ZNF652: variants seen among roughly 807,000 people sequenced by gnomAD.
ZNF652 encodes the protein zinc finger protein 652.
ZNF652 carries 16 observed loss-of-function variants against 45.2 expected under a neutral mutation model. The ratio of observed to expected loss-of-function variants is 0.35; its 90% confidence interval spans 0.24 to 0.54. The LOEUF (loss-of-function observed/expected upper bound fraction) is 0.54. Among genes scored for constraint, ZNF652 ranks in the 20% least tolerant of loss-of-function variants. The pLI, the probability that ZNF652 is intolerant of heterozygous loss-of-function variation, is 0.91. For synonymous variants in ZNF652, 250 were observed against 260.6 expected (o/e 0.96, Z 0.39); for missense variants, 614 against 765.6 (o/e 0.80, Z 2.34).
chr17:49,292,890 T>G lies in ZNF652; in HGVS notation c.*5523A>C, dbSNP rs2069422424. On this transcript the variant is annotated 3_prime_UTR_variant, in exon 6 of 6. Coordinates refer to ENST00000430262, the MANE Select transcript of ZNF652 (RefSeq NM_001145365.3). ...CAAGGTTTTAGCTAGTTTGTAGAGT[T>G]AAGCCCATTGGAATATGGGTGAATT... 6.6e-6 allele frequency among the ~76,000 whole-genome samples: 1 copy of G among 152,204 alleles called. No individual in the cohort carries two copies. Among genetic ancestry groups the G allele is most frequent in the Admixed American group, 6.5e-5 (1 of 15,282 alleles).
chr17:49,320,694 A>T (rs934973585), intron 1 of ZNF652, among the ~76,000 whole-genome samples: 6 of 152,260 alleles, frequency 3.9e-5, no homozygotes, highest in Admixed American at 2.6e-4. Context: ...AAATAAACTC[A>T]TATTATCTCA....
intron 1 of ZNF652, among the ~76,000 whole-genome samples, chr17:49,358,028 T>C (rs910126849): frequency 6.6e-6 from 1 of 152,220 alleles, no homozygotes; most frequent in African/African-American, 2.4e-5. Flanking sequence ...TACTCCAACA[T>C]GCTCCATATC....
intron 1 of ZNF652, among the ~76,000 whole-genome samples, chr17:49,360,072 T>C (rs2070376773): frequency 6.6e-6 from 1 of 152,182 alleles, no homozygotes; most frequent in African/African-American, 2.4e-5. Flanking sequence ...ACAAATTATT[T>C]TGACTCTAGT....
chr17:49,325,507 C>G (rs2069947222), intron 1 of ZNF652, among the ~76,000 whole-genome samples: 1 of 152,116 alleles, frequency 6.6e-6, no homozygotes. Context: ...AAATGTGACA[C>G]AGAGACACAA....
chr17:49,350,475 G>A lies in ZNF652; in HGVS notation c.-259+11434C>T, dbSNP rs562250497. Reference sequence around the variant, plus strand: ...AATCGCTTGAACCTGGGAGGCAGAGGTGGCAGTGAGCCGAGATCGCGCCAC... The same window carrying A: ...AATCGCTTGAACCTGGGAGGCAGAGATGGCAGTGAGCCGAGATCGCGCCAC... On this transcript the variant is annotated intron_variant, in intron 1 of 5. Coordinates refer to ENST00000430262, the MANE Select transcript of ZNF652 (RefSeq NM_001145365.3). Among the ~76,000 whole-genome samples, 189 of 151,720 alleles carry A rather than the reference G, an allele frequency of 1.2e-3. 1 individual carries two copies. Among genetic ancestry groups the A allele is most frequent in the African/African-American group, 4.4e-3 (180 of 41,332 alleles).
intron 1 of ZNF652, among the ~76,000 whole-genome samples, chr17:49,360,212 G>A (rs2070378295): frequency 6.6e-6 from 1 of 152,094 alleles, no homozygotes; most frequent in Non-Finnish European, 1.5e-5. Flanking sequence ...AAGCTACTTT[G>A]TTGTTTATTG....
At chr17:49,341,708 A>G (rs2070148826) in intron 1 of ZNF652, among the ~76,000 whole-genome samples, 1 of 152,112 alleles carries the variant, frequency 6.6e-6, no homozygotes, top group African/African-American at 2.4e-5. Context: ...AGTAATAGAA[A>G]ATAGTAAAGG....
intron 1 of ZNF652, among the ~76,000 whole-genome samples, chr17:49,335,994 C>T (rs9903744): frequency 0.026 from 3,920 of 151,916 alleles, 159 homozygotes; most frequent in African/African-American, 0.086. Flanking sequence ...TCCATGAAGC[C>T]TAAGACCTGT....
At chr17:49,322,802 G>A (rs532320639) in intron 1 of ZNF652, among the ~76,000 whole-genome samples, 117 of 152,266 alleles carry the variant, frequency 7.7e-4, no homozygotes, top group Middle Eastern at 6.8e-3. Flanking sequence ...GGAGAATGGC[G>A]TGAACCTGGG....
In ZNF652 at chr17:49,348,262, G is replaced by A. The variant is rs191733416; in HGVS notation, c.-259+13647C>T. ...CCCCAGCACTTTGGGAGGCTGAGGT[G>A]AGAGAATCTCTTGAGATCAAGAGTT... On this transcript the variant is annotated intron_variant, in intron 1 of 5. Coordinates refer to ENST00000430262, the MANE Select transcript of ZNF652 (RefSeq NM_001145365.3). Among the ~76,000 whole-genome samples, 168 of 152,034 alleles carry A rather than the reference G, an allele frequency of 1.1e-3. 5 individuals carry two copies. Among genetic ancestry groups the A allele is most frequent in the Non-Finnish European group, 2.1e-4 (14 of 67,984 alleles).
At position 49,316,851 on chromosome 17, in the gene ZNF652, T is replaced by G; in HGVS notation, c.875A>C (p.Gln292Pro). 1 of 1,613,442 alleles carries G rather than the reference T, an allele frequency of 6.2e-7. No homozygotes were observed. The highest frequency in any genetic ancestry group is 8.5e-7 in the Non-Finnish European group (1 of 1,179,744). Reference protein sequence around the residue: ...VLESELSLHQQTDCEKNIQCV... With the variant: ...VLESELSLHQPTDCEKNIQCV... Reference sequence around the variant, plus strand: ...CTGAATGTTTTTTTCACAGTCTGTTTGCTGGTGAAGGGACAGCTCACTTTC... The same window carrying G: ...CTGAATGTTTTTTTCACAGTCTGTTGGCTGGTGAAGGGACAGCTCACTTTC... The change falls in exon 2 of 6, where the codon CAA (glutamine) becomes CCA (proline). Residue 292 changes from glutamine to proline, a missense_variant. Physicochemically the swap from Gln to Pro is moderately conservative, Grantham distance 76. Around this residue, in one of 5 missense-constraint regions of ZNF652, gnomAD observed 262 missense variants for 306.3 expected, o/e 0.86. Coordinates refer to ENST00000430262, the MANE Select transcript of ZNF652 (RefSeq NM_001145365.3).
chr17:49,298,309 A>C lies in ZNF652; in HGVS notation c.*104T>G. ...GTGACACTGGCGAAGCTCTTGGTAG[A>C]GGCGGAGGAGAGTCTGAGAACTAAG... On this transcript the variant is annotated 3_prime_UTR_variant, in exon 6 of 6. Transcript: ENST00000430262. 1 of 1,414,116 alleles carries C rather than the reference A, an allele frequency of 7.1e-7. No individual in the cohort carries two copies. The highest frequency in any genetic ancestry group is 9.6e-7 in the Non-Finnish European group (1 of 1,042,966). 87.6% of individuals were successfully genotyped at this position (1,414,116 alleles called of 1,614,324 possible). A position where few individuals can be genotyped will look rare whatever the true frequency, so the allele number is the denominator to read the frequency against.
At chr17:49,349,458 G>A (rs538485632) in intron 1 of ZNF652, among the ~76,000 whole-genome samples, 1 of 152,242 alleles carries the variant, frequency 6.6e-6, no homozygotes, top group African/African-American at 2.4e-5. Flanking sequence ...GCCATGGTTT[G>A]CCATAGCAGG....
In ZNF652 at chr17:49,289,388, C is replaced by T. The variant is rs2069374940; in HGVS notation, c.*9025G>A. The T allele has an allele frequency of 6.6e-6, 1 of 152,018 alleles. No homozygotes were observed. The highest frequency in any genetic ancestry group is 2.4e-5 in the African/African-American group (1 of 41,396). 9.4% of individuals were successfully genotyped at this position (152,018 alleles called of 1,614,324 possible). ...AAAATACACAAAAAAGTAGTTTTAA[C>T]AATCTATAAATTTTTTATACTTAAA... is the stretch of plus-strand genomic sequence containing the variant. On this transcript the variant is annotated 3_prime_UTR_variant, in exon 6 of 6. Transcript: ENST00000430262.
rs1433892886 is a variant in ZNF652 at position 49,293,119 on chromosome 17, A to G, written c.*5294T>C. Among the ~76,000 whole-genome samples the G allele has an allele frequency of 6.6e-6, 1 of 152,214 alleles. No individual in the cohort carries two copies. Among genetic ancestry groups the G allele is most frequent in the Non-Finnish European group, 1.5e-5 (1 of 68,046 alleles). ...ACTCCAGGAACCTGTGACCATACATATATTATTGAGTAATACATAGAGTAA... is the reference window on the plus strand; with the variant it reads ...ACTCCAGGAACCTGTGACCATACATGTATTATTGAGTAATACATAGAGTAA... On this transcript the variant is annotated 3_prime_UTR_variant, in exon 6 of 6. Coordinates refer to ENST00000430262, the MANE Select transcript of ZNF652 (RefSeq NM_001145365.3).
At chr17:49,362,412 C>T (rs1284018902), upstream of ZNF652, 2 of 151,744 alleles carry the variant, frequency 1.3e-5, no homozygotes, top group Non-Finnish European at 2.9e-5. Context: ...CCCGGGCGCA[C>T]CTTTTCTGTC....
chr17:49,352,269 T>C (rs540672583), intron 1 of ZNF652, among the ~76,000 whole-genome samples: 155 of 151,828 alleles, frequency 1.0e-3, no homozygotes, highest in African/African-American at 3.7e-3. Flanking sequence ...AGCAAACAAA[T>C]CTCTCGTCTT....
chr17:49,350,138 C>T (rs1271481519), intron 1 of ZNF652, among the ~76,000 whole-genome samples: 6 of 151,988 alleles, frequency 3.9e-5, no homozygotes, highest in Non-Finnish European at 8.8e-5. Context: ...TTGAGAAACA[C>T]ACTATGGTTA....
chr17:49,304,878 G>GTGTATATA lies in ZNF652; in HGVS notation c.1310-5955_1310-5954insTATATACA, dbSNP rs946241503. On this transcript the variant is annotated intron_variant, in intron 5 of 5. Coordinates refer to ENST00000430262, the MANE Select transcript of ZNF652 (RefSeq NM_001145365.3). ...AATATACATATATGTATATATATGT[G>GTGTATATA]TATATATATATATATATACACACAC... 4.6e-3 allele frequency among the ~76,000 whole-genome samples: 684 copies of GTGTATATA among 149,222 alleles called. 4 individuals are homozygous for GTGTATATA. The highest frequency in any genetic ancestry group is 0.015 in the African/African-American group (627 of 40,640).
Sources: gnomAD v4.1 joint callset for allele counts (sites outside exome capture counted in the v4.1 genomes callset) on GRCh38, gnomAD v4.1.1 for gene constraint, gnomAD v4.1.1 regional missense constraint, MANE v1.5 for transcripts, NCBI Gene and HGNC (gene_info 2026-07-23, HGNC 2026-07-21) for gene names.